NINL: variants seen among roughly 807,000 people sequenced by gnomAD.
NINL encodes ninein like.
Under a neutral mutation model 160.3 loss-of-function variants are expected in NINL, and 153 were observed. That is an observed-to-expected ratio of 0.95 (90% CI 0.84 to 1.09). NINL has a LOEUF of 1.09. Among genes scored for constraint, NINL ranks in the 50% least tolerant of loss-of-function variants. The pLI is 0.00. For missense variants in NINL, 1,829 were observed against 1,764.0 expected (o/e 1.04, Z -0.66); for synonymous variants, 800 against 734.8 (o/e 1.09, Z -1.43).
At chr20:25,460,658 T>C (rs909480446) in intron 21 of NINL, among the ~76,000 whole-genome samples, 1 of 152,164 alleles carries the variant, frequency 6.6e-6, no homozygotes, top group African/African-American at 2.4e-5. Flanking sequence ...GCCAAGAGCC[T>C]ATGGGAGCCC....
At chr20:25,511,987 T>C (rs1369639709) in intron 4 of NINL, among the ~76,000 whole-genome samples, 1 of 152,124 alleles carries the variant, frequency 6.6e-6, no homozygotes, top group Non-Finnish European at 1.5e-5. Flanking sequence ...TTGAAAATGG[T>C]TCGACCCAAT....
chr20:25,462,949 C>G (rs2062828237), intron 19 of NINL, among the ~76,000 whole-genome samples: 1 of 152,192 alleles, frequency 6.6e-6, no homozygotes, highest in Non-Finnish European at 1.5e-5. Context: ...GCCACTGAGC[C>G]CAGCCCCACC....
chr20:25,499,114 G>A, intron 8 of NINL: 1 of 985,436 alleles, frequency 1.0e-6, no homozygotes, highest in South Asian at 4.7e-5. Flanking sequence ...GGACGTGCCT[G>A]GCCCAGAGTC....
At chr20:25,568,050 A>C (rs755241433) in intron 1 of NINL, among the ~76,000 whole-genome samples, 9 of 152,130 alleles carry the variant, frequency 5.9e-5, no homozygotes, top group Middle Eastern at 6.8e-3. Flanking sequence ...AACTGAAGCA[A>C]GCAGAAGAAT....
intron 3 of NINL, 129 bp from the exon 4 acceptor site, chr20:25,513,135 C>A (rs2064104891): frequency 2.5e-6 from 2 of 808,808 alleles, no homozygotes; most frequent in South Asian, 2.2e-5. Flanking sequence ...TACTGCTCTG[C>A]ACACAGAAGC....
At chr20:25,479,772 C>A (rs976317440) in intron 15 of NINL, among the ~76,000 whole-genome samples, 3 of 152,232 alleles carry the variant, frequency 2.0e-5, no homozygotes, top group Non-Finnish European at 4.4e-5. Context: ...TCCAGGGTGG[C>A]CCTGGCCTCA....
At chr20:25,500,137 G>T (rs896585382) in intron 8 of NINL, among the ~76,000 whole-genome samples, 5 of 152,056 alleles carry the variant, frequency 3.3e-5, no homozygotes, top group African/African-American at 1.2e-4. Flanking sequence ...ACTGCACCTC[G>T]TGAGGCTGTC....
At chr20:25,488,181 G>A (rs555883537) in intron 13 of NINL, among the ~76,000 whole-genome samples, 120 of 152,338 alleles carry the variant, frequency 7.9e-4, no homozygotes, top group Non-Finnish European at 1.4e-3. Flanking sequence ...AGCGGGGCAG[G>A]TGAATGTGTG....
chr20:25,542,813 T>G (rs1336579221), intron 1 of NINL, among the ~76,000 whole-genome samples: 1 of 144,566 alleles, frequency 6.9e-6, no homozygotes, highest in African/African-American at 2.6e-5. Flanking sequence ...GGCGGATCAT[T>G]TGAGGTCATG....
At chr20:25,453,718 C>T in intron 23 of NINL, 76 bp from the exon 24 acceptor site, 1 of 1,374,606 alleles carries the variant, frequency 7.3e-7, no homozygotes, top group Non-Finnish European at 9.9e-7. Flanking sequence ...CTCTTTTATC[C>T]TCCCAGGTTT....
intron 1 of NINL, among the ~76,000 whole-genome samples, chr20:25,577,202 G>T (rs2065124799): frequency 6.6e-6 from 1 of 152,218 alleles, no homozygotes; most frequent in Admixed American, 6.5e-5. Flanking sequence ...TGGCCGGGCT[G>T]CAGCCCGCCC....
intron 1 of NINL, among the ~76,000 whole-genome samples, chr20:25,559,301 C>G (rs141718558): frequency 1.6e-4 from 24 of 152,080 alleles, no homozygotes; most frequent in African/African-American, 4.8e-4. Context: ...AGTGCAGTGG[C>G]GCGATCTCGG....
Position 25,467,307 on chromosome 20 carries a change from C to T in NINL, c.3423+82G>A, listed in dbSNP as rs188945383. On this transcript the variant is annotated intron_variant, in intron 19 of 23. Coordinates refer to ENST00000278886, the MANE Select transcript of NINL (RefSeq NM_025176.6). ...CTTTTAGAAGAATATTCTCTACTTCCTTTTGTAAGTTTAAAATGATTTCAA... is the reference window on the plus strand; with the variant it reads ...CTTTTAGAAGAATATTCTCTACTTCTTTTTGTAAGTTTAAAATGATTTCAA... 2.8e-4 allele frequency: 344 copies of T among 1,219,222 alleles called. No individual in the cohort carries two copies. The African/African-American group carries it at 3.0e-3, about 11-fold the overall frequency. The allele number at this position is 1,219,222 out of a possible 1,614,324, so 75.5% of individuals were successfully genotyped here.
chr20:25,489,481 C>T (rs939655497), intron 12 of NINL, among the ~76,000 whole-genome samples, 157 bp from the exon 13 acceptor site: 2 of 151,952 alleles, frequency 1.3e-5, no homozygotes, highest in Non-Finnish European at 2.9e-5. Context: ...CTCCTTACTC[C>T]CCCGTCTAGA....
intron 1 of NINL, among the ~76,000 whole-genome samples, chr20:25,544,482 A>G (rs59222176): frequency 0.013 from 1,906 of 152,322 alleles, 34 homozygotes; most frequent in African/African-American, 0.04. Flanking sequence ...TGACCTGACT[A>G]TGCTGAAAGG....
intron 1 of NINL, among the ~76,000 whole-genome samples, chr20:25,550,462 C>T (rs2064793512): frequency 1.3e-5 from 2 of 151,868 alleles, no homozygotes; most frequent in Admixed American, 6.6e-5. Flanking sequence ...CCCAGGGGAC[C>T]GGCGCTCCGC....
intron 4 of NINL, among the ~76,000 whole-genome samples, chr20:25,512,056 CCCA>C (rs1180212998): frequency 3.9e-5 from 6 of 152,150 alleles, no homozygotes; most frequent in African/African-American, 1.4e-4. Context: ...AACGTGAAGC[CCCA>C]CGAGACTCTG....
intron 1 of NINL, among the ~76,000 whole-genome samples, chr20:25,571,480 G>A (rs1156744438): frequency 1.3e-5 from 2 of 152,192 alleles, no homozygotes; most frequent in African/African-American, 2.4e-5. Context: ...AGTACACAGT[G>A]ACAGGGCTGC....
rs201323746 is a variant in NINL at position 25,479,067 on chromosome 20, G to A, written c.2057C>T (p.Ser686Phe). 6.2e-7 allele frequency: 1 copy of A among 1,612,834 alleles called. No individual in the cohort carries two copies. Among genetic ancestry groups the A allele is most frequent in the East Asian group, 2.2e-5 (1 of 44,866 alleles). The change falls in exon 16 of 24, where the codon TCT (serine) becomes TTT (phenylalanine). Residue 686 changes from serine (S) to phenylalanine (F), a missense_variant. Transcript: ENST00000278886. Reference sequence around the variant, plus strand: ...CTGCAGGCCCCAGATGACCTCCTGAGACTTCTCGTGGAGCTCCTCCAGGTC... The same window carrying A: ...CTGCAGGCCCCAGATGACCTCCTGAAACTTCTCGTGGAGCTCCTCCAGGTC... ...KADLEELHEK[S>F]QEVIWGLQEQ...
Sources: gnomAD v4.1 joint callset for allele counts (sites outside exome capture counted in the v4.1 genomes callset) on GRCh38, gnomAD v4.1.1 for gene constraint, MANE v1.5 for transcripts, NCBI Gene and HGNC (gene_info 2026-07-23, HGNC 2026-07-21) for gene names.